Variants in LRMDA observed in about 807,000 individuals in gnomAD.
LRMDA encodes leucine rich melanocyte differentiation associated.
A neutral mutation model predicts 29.8 loss-of-function variants in LRMDA; 18 were observed. That is an observed-to-expected ratio of 0.60 (90% CI 0.42 to 0.90). LRMDA has a LOEUF of 0.90. Among genes scored for constraint, LRMDA ranks in the 40% least tolerant of loss-of-function variants. The pLI, the probability that LRMDA is intolerant of heterozygous loss-of-function variation, is 0.00. For synonymous variants in LRMDA, 125 were observed against 109.4 expected (o/e 1.14, Z -0.89); for missense variants, 273 against 273.9 (o/e 1.00, Z 0.02).
Position 76,218,661 on chromosome 10 carries a change from A to G in LRMDA, c.517-105740A>G, listed in dbSNP as rs146211428. The stretch of plus-strand genomic sequence containing the variant: ...AATGAGATCTCTTCTTTGGTCATCC[A>G]GGTGGGTTCCAGCCCCACCTGGGAG... On this transcript the variant is annotated intron_variant, in intron 5 of 6. Transcript: ENST00000611255. Among the ~76,000 whole-genome samples, 22 of 152,340 alleles carry G rather than the reference A, an allele frequency of 1.4e-4. No individual in the cohort carries two copies. In the Middle Eastern group the frequency reaches 0.017, roughly 118 times the overall value.
intron 2 of LRMDA, among the ~76,000 whole-genome samples, chr10:75,824,703 C>T (rs919818032): frequency 2.0e-5 from 3 of 152,192 alleles, no homozygotes; most frequent in Non-Finnish European, 4.4e-5. Context: ...TAAACTTTCA[C>T]TCCCCTCCTG....
intron 2 of LRMDA, among the ~76,000 whole-genome samples, chr10:75,788,982 G>C (rs922009308): frequency 1.3e-5 from 2 of 152,222 alleles, no homozygotes; most frequent in African/African-American, 4.8e-5. Context: ...CTTTGAGGTA[G>C]ATTTGCTAGG....
At chr10:75,769,609 A>G (rs1013533155) in intron 2 of LRMDA, among the ~76,000 whole-genome samples, 1 of 152,106 alleles carries the variant, frequency 6.6e-6, no homozygotes, top group East Asian at 1.9e-4. Context: ...TTATTTTTTT[A>G]TATTTCATTC....
chr10:76,252,111 G>T (rs528866279), intron 5 of LRMDA, among the ~76,000 whole-genome samples: 55 of 152,228 alleles, frequency 3.6e-4, no homozygotes, highest in African/African-American at 1.3e-3. Flanking sequence ...TACCCCCAAC[G>T]CTTCCTGCTC....
chr10:76,268,443 G>A (rs1364993899), intron 5 of LRMDA, among the ~76,000 whole-genome samples: 1 of 152,040 alleles, frequency 6.6e-6, no homozygotes, highest in Non-Finnish European at 1.5e-5. Context: ...CATTTCTTTG[G>A]CTTCATGGTA....
intron 2 of LRMDA, among the ~76,000 whole-genome samples, chr10:75,784,088 G>A (rs1376846472): frequency 6.6e-6 from 1 of 152,196 alleles, no homozygotes; most frequent in African/African-American, 2.4e-5. Flanking sequence ...TAGATTATGT[G>A]TCTGGGTTCA....
intron 5 of LRMDA, among the ~76,000 whole-genome samples, chr10:76,192,256 C>T (rs1851259930): frequency 6.6e-6 from 1 of 152,152 alleles, no homozygotes; most frequent in Non-Finnish European, 1.5e-5. Flanking sequence ...AGTCTAATTT[C>T]TTAGATATGA....
At chr10:76,540,850 G>A (rs938234375) in intron 6 of LRMDA, among the ~76,000 whole-genome samples, 10 of 152,194 alleles carry the variant, frequency 6.6e-5, no homozygotes, top group African/African-American at 2.4e-4. Flanking sequence ...ACTGAAAATG[G>A]AAGAAAGTTG....
intron 2 of LRMDA, among the ~76,000 whole-genome samples, chr10:75,524,409 G>A (rs1296676519): frequency 6.6e-6 from 1 of 152,060 alleles, no homozygotes; most frequent in Non-Finnish European, 1.5e-5. Context: ...TGTATAATGG[G>A]GGACCAATAA....
chr10:75,642,405 A>T (rs1004692139), intron 2 of LRMDA: 5 of 152,210 alleles, frequency 3.3e-5, no homozygotes, highest in Admixed American at 2.0e-4. Flanking sequence ...GATGTGATAT[A>T]AGGGCCTCCG....
At chr10:76,018,004 C>T (rs1847907305) in intron 2 of LRMDA, among the ~76,000 whole-genome samples, 1 of 152,176 alleles carries the variant, frequency 6.6e-6, no homozygotes, top group East Asian at 1.9e-4. Flanking sequence ...TGAAGACTGA[C>T]ATCTGTGCCA....
chr10:76,151,059 G>A (rs1850432319), intron 5 of LRMDA, among the ~76,000 whole-genome samples: 2 of 152,126 alleles, frequency 1.3e-5, no homozygotes, highest in African/African-American at 4.8e-5. Flanking sequence ...CACCCAGCTG[G>A]GTCATCCAGA....
At chr10:75,685,710 A>G (rs1416104020) in intron 2 of LRMDA, among the ~76,000 whole-genome samples, 2 of 152,252 alleles carry the variant, frequency 1.3e-5, no homozygotes, top group African/African-American at 2.4e-5. Flanking sequence ...AGAAGTATGT[A>G]CAATATATTT....
chr10:76,118,107 C>A (rs1339705744), intron 5 of LRMDA, among the ~76,000 whole-genome samples: 1 of 152,138 alleles, frequency 6.6e-6, no homozygotes, highest in East Asian at 1.9e-4. Context: ...TGGGGTGTCA[C>A]CATGACTCAC....
intron 6 of LRMDA, among the ~76,000 whole-genome samples, chr10:76,383,095 G>T (rs1841612561): frequency 6.6e-6 from 1 of 152,178 alleles, no homozygotes. Flanking sequence ...CATAAATTGG[G>T]CAATGGTTTT....
chr10:75,449,335 A>G (rs905934041), intron 2 of LRMDA, among the ~76,000 whole-genome samples: 3 of 152,166 alleles, frequency 2.0e-5, no homozygotes, highest in Non-Finnish European at 4.4e-5. Context: ...CCAGAGAAGC[A>G]GAGTAATTGC....
chr10:76,502,217 A>G (rs1017317623), intron 6 of LRMDA, among the ~76,000 whole-genome samples: 7 of 151,804 alleles, frequency 4.6e-5, no homozygotes, highest in African/African-American at 9.7e-5. Flanking sequence ...CCATTTGTCT[A>G]TGTGTATGTT....
intron 2 of LRMDA, among the ~76,000 whole-genome samples, chr10:75,532,379 A>C (rs1845487402): frequency 6.6e-6 from 1 of 151,940 alleles, no homozygotes; most frequent in Non-Finnish European, 1.5e-5. Flanking sequence ...GCTATCTTTG[A>C]GCATTTGGGG....
At chr10:75,858,946 A>T (rs1477569508) in intron 2 of LRMDA, among the ~76,000 whole-genome samples, 1 of 152,200 alleles carries the variant, frequency 6.6e-6, no homozygotes, top group African/African-American at 2.4e-5. Flanking sequence ...ACGTTTATTT[A>T]TGCATGCTAA....
Sources: allele counts gnomAD v4.1 joint callset (sites outside exome capture counted in the v4.1 genomes callset), GRCh38; gene constraint gnomAD v4.1.1; transcripts MANE v1.5; gene names NCBI Gene and HGNC (gene_info 2026-07-23, HGNC 2026-07-21).